Variants in JMJD6 observed in about 807,000 individuals in gnomAD.
JMJD6 encodes jumonji domain containing 6, arginine demethylase and lysine hydroxylase.
A neutral mutation model predicts 45.8 loss-of-function variants in JMJD6; 17 were observed. The observed-to-expected ratio is 0.37, with a 90% CI of 0.25 to 0.56. The LOEUF (loss-of-function observed/expected upper bound fraction) is 0.56, where lower values mean the gene tolerates loss of function less well. JMJD6 is among the 20% of genes least tolerant of loss of function. The probability of loss-of-function intolerance (pLI) is 0.79; values close to 1 mark genes in which losing one functional copy is unlikely to be tolerated. For synonymous variants in JMJD6, 221 were observed against 196.3 expected (o/e 1.13, Z -1.05); for missense variants, 470 against 517.5 (o/e 0.91, Z 0.89).
At chr17:76,724,137 T>G in intron 2 of JMJD6, 79 bp from the exon 3 acceptor site, 1 of 1,492,118 alleles carries the variant, frequency 6.7e-7, no homozygotes. Flanking sequence ...TTTTTAGTTT[T>G]TCTTTGAGAG....
downstream of JMJD6, among the ~76,000 whole-genome samples, chr17:76,718,160 CAAA>C (rs11335765): frequency 5.6e-4 from 37 of 65,854 alleles, no homozygotes; most frequent in Admixed American, 1.2e-3. Context: ...GACCCTGTCT[CAAA>C]AAAAAAAAAA....
rs372881058 is a variant in JMJD6 at position 76,720,251 on chromosome 17, A to G, written c.1080+109T>C. 51 of 1,055,436 alleles carry G rather than the reference A, an allele frequency of 4.8e-5. No individual in the cohort carries two copies. The African/African-American group carries it at 7.5e-4, about 16-fold the overall frequency. The allele number at this position is 1,055,436 out of a possible 1,614,324, so 65.4% of individuals were successfully genotyped here. A position where few individuals can be genotyped will look rare whatever the true frequency, so the allele number is the denominator to read the frequency against. ...TGTAACCCTTAGAACAACGTGGAAA[A>G]ACTTTCATATCCTTCTCCTGGATAG... On this transcript the variant is annotated intron_variant, in intron 5 of 5. Coordinates refer to ENST00000397625, the MANE Select transcript of JMJD6 (RefSeq NM_015167.3).
downstream of JMJD6, chr17:76,715,686 T>G (rs1425441258): frequency 6.6e-6 from 1 of 152,232 alleles, no homozygotes; most frequent in East Asian, 1.9e-4. Context: ...GTGCGCCCCA[T>G]GGCCTTGACA....
intron 3 of JMJD6, 31 bp downstream of exon 3, chr17:76,723,741 A>G (rs751990751): frequency 6.2e-7 from 1 of 1,605,550 alleles, no homozygotes; most frequent in Non-Finnish European, 8.5e-7. Flanking sequence ...GCGCCCGGCA[A>G]AGAATGTACT....
At chr17:76,718,918 TA>T (rs2076791033) in intron 5 of JMJD6, 58 bp from the exon 6 acceptor site, 1 of 1,557,538 alleles carries the variant, frequency 6.4e-7, no homozygotes, top group Non-Finnish European at 8.8e-7. Context: ...ACTTCTTCAT[TA>T]AACAAACCTC....
At chr17:76,723,601 C>T (rs375606404) in intron 3 of JMJD6, among the ~76,000 whole-genome samples, 171 bp downstream of exon 3, 14 of 151,908 alleles carry the variant, frequency 9.2e-5, no homozygotes, top group Admixed American at 2.6e-4. Context: ...CCACCACGCC[C>T]GGCTAATTTT....
At chr17:76,720,961 G>T (rs886968563) in intron 4 of JMJD6, among the ~76,000 whole-genome samples, 1 of 152,186 alleles carries the variant, frequency 6.6e-6, no homozygotes, top group Non-Finnish European at 1.5e-5. Flanking sequence ...AATTAGATTT[G>T]TAAGAAATAC....
downstream of JMJD6, chr17:76,714,462 T>G (rs1440553930): frequency 6.6e-6 from 1 of 152,268 alleles, no homozygotes; most frequent in Non-Finnish European, 1.5e-5. Flanking sequence ...ACAAGTGGTC[T>G]CTGGGTACCC....
At chr17:76,724,392 A>G (rs1010387174) in intron 2 of JMJD6, among the ~76,000 whole-genome samples, 2 of 152,078 alleles carry the variant, frequency 1.3e-5, no homozygotes, top group Non-Finnish European at 2.9e-5. Flanking sequence ...AAGTGCTGGA[A>G]TAACAGGCTT....
chr17:76,721,520 A>C, intron 4 of JMJD6: 2 of 453,576 alleles, frequency 4.4e-6, no homozygotes, highest in Non-Finnish European at 8.1e-6. Flanking sequence ...TGAAAAACAA[A>C]ACACAAAACA....
chr17:76,718,897 G>T (rs374504795), intron 5 of JMJD6, 37 bp from the exon 6 acceptor site: 1 of 1,599,204 alleles, frequency 6.3e-7, no homozygotes, highest in Non-Finnish European at 8.5e-7. Context: ...GAGTCAACCT[G>T]GATGCAACCC....
In JMJD6 at chr17:76,720,477, G is replaced by C. The variant is rs533617052; in HGVS notation, c.963C>G (p.Pro321=). Residue 321 remains proline (P), a synonymous_variant, in exon 5 of 6, where the codon CCC becomes CCG. Transcript: ENST00000397625. Reference sequence around the variant, plus strand: ...CCGAGTCTGCGAGGACTGCCAACTCGGGGTGCTCTTGCTTCAAAATCCTGA... The same window carrying C: ...CCGAGTCTGCGAGGACTGCCAACTCCGGGTGCTCTTGCTTCAAAATCCTGA... The part of the protein sequence containing the change: ...KWYRILKQEH[P]ELAVLADSVD... 2.5e-6 allele frequency: 4 copies of C among 1,614,020 alleles called. No individual in the cohort carries two copies. The African/African-American group carries it at 4.0e-5, about 16-fold the overall frequency.
At chr17:76,726,290 G>C in intron 1 of JMJD6, 57 bp downstream of exon 1, 1 of 1,514,412 alleles carries the variant, frequency 6.6e-7, no homozygotes, top group Non-Finnish European at 8.8e-7. Flanking sequence ...AGAGAAAGGT[G>C]CGTAGCGGCT....
At chr17:76,716,791 A>T, downstream of JMJD6, 9 of 1,574,288 alleles carry the variant, frequency 5.7e-6, no homozygotes, top group South Asian at 8.9e-5. Context: ...GCTGGAAGGC[A>T]ATGTTAAAAG....
At chr17:76,717,619 G>T (rs975264001), downstream of JMJD6, among the ~76,000 whole-genome samples, 1 of 151,904 alleles carries the variant, frequency 6.6e-6, no homozygotes, top group Admixed American at 6.6e-5. Flanking sequence ...AGGCTGAGGT[G>T]GGGGGATCAC....
At position 76,718,501 on chromosome 17, in the gene JMJD6, C is replaced by A. The variant is rs922191600; in HGVS notation, c.*228G>T. 1.5e-5 allele frequency: 20 copies of A among 1,336,446 alleles called. No homozygotes were observed. The African/African-American group carries it at 2.9e-4, about 19-fold the overall frequency. 82.8% of individuals were successfully genotyped at this position (1,336,446 alleles called of 1,614,324 possible). On this transcript the variant is annotated 3_prime_UTR_variant, in exon 6 of 6. Coordinates refer to ENST00000397625, the MANE Select transcript of JMJD6 (RefSeq NM_015167.3). ...AATAATGTAAAGGATTTTCTTGGCA[C>A]TATTCACATTCTCTTGCCTGAGTAA...
intron 3 of JMJD6, 127 bp downstream of exon 3, chr17:76,723,645 G>A: frequency 2.2e-6 from 2 of 889,262 alleles, no homozygotes; most frequent in Non-Finnish European, 3.5e-6. Context: ...GTTTCACCGT[G>A]TTAGCAAGGA....
At chr17:76,718,910 T>C in intron 5 of JMJD6, 50 bp from the exon 6 acceptor site, 1 of 1,583,246 alleles carries the variant, frequency 6.3e-7, no homozygotes, top group Non-Finnish European at 8.6e-7. Flanking sequence ...TGCAACCCAC[T>C]TCTTCATTAA....
intron 4 of JMJD6, chr17:76,721,243 A>G: frequency 5.1e-6 from 2 of 395,606 alleles, no homozygotes; most frequent in Middle Eastern, 8.0e-4. Flanking sequence ...GCATGGAACA[A>G]GCCAGAATCC....
Sources: gnomAD v4.1 joint callset for allele counts (sites outside exome capture counted in the v4.1 genomes callset) on GRCh38, gnomAD v4.1.1 for gene constraint, MANE v1.5 for transcripts, NCBI Gene and HGNC (gene_info 2026-07-23, HGNC 2026-07-21) for gene names.